Variants in CNTRL observed in about 807,000 individuals in gnomAD.
The protein encoded by CNTRL is centriolin.
In CNTRL, 233 loss-of-function variants were observed where a neutral mutation model predicts 303.7. The observed-to-expected ratio is 0.77, with a 90% CI of 0.69 to 0.86. The LOEUF (loss-of-function observed/expected upper bound fraction) is 0.86, where lower values mean the gene tolerates loss of function less well. Ranked by LOEUF, CNTRL falls within the 40% of genes least tolerant of loss-of-function variation. The pLI is 0.00. For synonymous variants in CNTRL, 900 were observed against 922.2 expected (o/e 0.98, Z 0.44); for missense variants, 2,524 against 2,650.6 (o/e 0.95, Z 1.05).
At chr9:121,134,322 G>A (rs1224382471) in intron 14 of CNTRL, among the ~76,000 whole-genome samples, 1 of 140,894 alleles carries the variant, frequency 7.1e-6, no homozygotes, top group Non-Finnish European at 1.5e-5. Context: ...ATGGAGTCTT[G>A]CTCTGTCACC....
chr9:121,123,998 A>G lies in CNTRL; in HGVS notation c.1718A>G (p.Gln573Arg). The change falls in exon 13 of 44, where the codon CAA (glutamine) becomes CGA (arginine). Residue 573 changes from glutamine to arginine, a missense_variant. Physicochemically the swap from Gln to Arg is conservative, Grantham distance 43 (BLOSUM62 1). Coordinates refer to ENST00000373855, the MANE Select transcript of CNTRL (RefSeq NM_007018.6). ...GACATTATGAACAAGCAGTACCAAC[A>G]ACTTGAAAGTCGTTTGGATGAGATA... Reference protein sequence around the residue: ...QLDIMNKQYQQLESRLDEILS... With the variant: ...QLDIMNKQYQRLESRLDEILS... 2 of 1,613,316 alleles carry G rather than the reference A, an allele frequency of 1.2e-6. No homozygotes were observed. Among genetic ancestry groups the G allele is most frequent in the Non-Finnish European group, 1.7e-6 (2 of 1,179,542 alleles).
Position 121,150,290 on chromosome 9 carries a change from C to CA in CNTRL, c.3770_3771insA (p.Gln1258ProfsTer16). 1 of 1,614,138 alleles carries CA rather than the reference C, an allele frequency of 6.2e-7. No individual in the cohort carries two copies. Among genetic ancestry groups the CA allele is most frequent in the Non-Finnish European group, 8.5e-7 (1 of 1,180,010 alleles). On this transcript the variant is annotated frameshift_variant, in exon 25 of 44. Transcript: ENST00000373855. LOFTEE classifies it high-confidence loss of function. ...GTGCTTCCTGATGGTTCTCCTGTAC[C>CA]CCAGGGCATGGCCCTGTATGCACCA...
At chr9:121,130,311 T>G in intron 14 of CNTRL, among the ~76,000 whole-genome samples, 1 of 152,212 alleles carries the variant, frequency 6.6e-6, no homozygotes, top group Middle Eastern at 3.2e-3. Context: ...TTTCAGATCC[T>G]GTTATTGGTC....
intron 2 of CNTRL, among the ~76,000 whole-genome samples, chr9:121,086,572 C>A (rs2048349485): frequency 6.6e-6 from 1 of 151,226 alleles, no homozygotes; most frequent in African/African-American, 2.4e-5. Flanking sequence ...AGGGACAGAT[C>A]ATGGGGGACC....
chr9:121,168,990 C>T (rs1375218328), intron 38 of CNTRL, among the ~76,000 whole-genome samples: 1 of 152,176 alleles, frequency 6.6e-6, no homozygotes, highest in Admixed American at 6.5e-5. Flanking sequence ...GAGTTCTGAT[C>T]ATGCCAGAGT....
At chr9:121,138,898 G>A (rs2051347364) in intron 16 of CNTRL, among the ~76,000 whole-genome samples, 1 of 152,132 alleles carries the variant, frequency 6.6e-6, no homozygotes, top group Non-Finnish European at 1.5e-5. Context: ...TTATGATGGT[G>A]CAAAGAGATA....
intron 7 of CNTRL, among the ~76,000 whole-genome samples, chr9:121,105,847 G>A (rs1368742441): frequency 6.6e-6 from 1 of 152,152 alleles, no homozygotes; most frequent in Non-Finnish European, 1.5e-5. Context: ...GTGAATAGGA[G>A]AGAGACATTT....
chr9:121,144,044 C>G lies in CNTRL; in HGVS notation c.3013C>G (p.His1005Asp). 1.2e-6 allele frequency: 2 copies of G among 1,613,514 alleles called. No individual in the cohort carries two copies. Among genetic ancestry groups the G allele is most frequent in the Non-Finnish European group, 1.7e-6 (2 of 1,179,800 alleles). Residue 1005 changes from histidine to aspartate, a missense_variant, in exon 20 of 44, where the codon CAT (histidine) becomes GAT (aspartate). His to Asp is a moderately conservative substitution (Grantham distance 81). Coordinates refer to ENST00000373855, the MANE Select transcript of CNTRL (RefSeq NM_007018.6). ...TGCCAAAGACCAGCTGAAGTCCCTT[C>G]ATGGAACTGTTATGAAAATTAACCA... ...TIAKDQLKSL[H>D]GTVMKINQER... is the part of the protein sequence containing the mutation.
In CNTRL at chr9:121,135,980, C is replaced by T; in HGVS notation, c.2200C>T (p.Gln734Ter). The change falls in exon 15 of 44, where the codon CAG becomes TAG. Residue 734 changes from glutamine to a stop codon, truncating the protein, a stop_gained and splice_region_variant. Transcript: ENST00000373855. LOFTEE classifies it high-confidence loss of function. ...EELEKVTRLT[Q>*]LEQSALQAEL... ...GTTGGAAAAAGTAACAAGACTTACCCAGGTAAGTAGGAGCATGAAGCCAAC... is the reference window on the plus strand; with the variant it reads ...GTTGGAAAAAGTAACAAGACTTACCTAGGTAAGTAGGAGCATGAAGCCAAC... 1 of 1,599,252 alleles carries T rather than the reference C, an allele frequency of 6.3e-7. No individual in the cohort carries two copies. The highest frequency in any genetic ancestry group is 1.1e-5 in the South Asian group (1 of 90,082).
At chr9:121,143,787 G>C (rs1285679117) in intron 19 of CNTRL, 116 bp from the exon 20 acceptor site, 3 of 675,840 alleles carry the variant, frequency 4.4e-6, no homozygotes, top group Non-Finnish European at 7.5e-6. Context: ...TACCTCCTGT[G>C]TATCAAGTAT....
At position 121,157,510 on chromosome 9, in the gene CNTRL, G is replaced by T. The variant is rs1362600114; in HGVS notation, c.4406G>T (p.Ser1469Ile). ...GAAAAGTTCACTGATGCCAAGAGAA[G>T]TTTATTGCAAACTGAGTCAGATGCT... ...AVEKFTDAKR[S>I]LLQTESDAEE... is the part of the protein sequence containing the mutation. The change falls in exon 28 of 44, where the codon AGT (serine) becomes ATT (isoleucine). Residue 1469 changes from serine (S) to isoleucine (I), a missense_variant. Physicochemically the swap from Ser to Ile is moderately radical, Grantham distance 142. Transcript: ENST00000373855. The T allele has an allele frequency of 6.2e-7, 1 of 1,613,974 alleles. No individual in the cohort carries two copies. The highest frequency in any genetic ancestry group is 8.5e-7 in the Non-Finnish European group (1 of 1,180,010).
At chr9:121,125,996 G>A (rs915535261) in intron 14 of CNTRL, 60 bp downstream of exon 14, 1 of 1,361,810 alleles carries the variant, frequency 7.3e-7, no homozygotes. Flanking sequence ...TCCAAATTAA[G>A]TTAGTTGGAG....
intron 13 of CNTRL, 72 bp from the exon 14 acceptor site, chr9:121,125,644 A>G: frequency 7.6e-6 from 10 of 1,318,196 alleles, no homozygotes; most frequent in Non-Finnish European, 1.1e-5. Context: ...CTCTTGGCTT[A>G]TAACAAAATG....
chr9:121,162,937 A>T (rs1339044385), intron 34 of CNTRL, among the ~76,000 whole-genome samples: 1 of 152,224 alleles, frequency 6.6e-6, no homozygotes, highest in African/African-American at 2.4e-5. Flanking sequence ...CATCTTTTTC[A>T]GTAGAGAAAA....
Position 121,144,059 on chromosome 9 carries a change from A to G in CNTRL, c.3028A>G (p.Lys1010Glu). ...QLKSLHGTVM[K>E]INQERAEELQ... ...GAAGTCCCTTCATGGAACTGTTATG[A>G]AAATTAACCAGGAGCGAGCAGAGGT... Residue 1010 changes from lysine to glutamate, a missense_variant, in exon 20 of 44, where the codon AAA becomes GAA. Transcript: ENST00000373855. 6.2e-7 allele frequency: 1 copy of G among 1,611,748 alleles called. No individual in the cohort carries two copies. Among genetic ancestry groups the G allele is most frequent in the Non-Finnish European group, 8.5e-7 (1 of 1,179,344 alleles).
At position 121,154,815 on chromosome 9, in the gene CNTRL, T is replaced by G. The variant is rs757526909; in HGVS notation, c.4267T>G (p.Cys1423Gly). 4.3e-6 allele frequency: 7 copies of G among 1,613,546 alleles called. No homozygotes were observed. The highest frequency in any genetic ancestry group is 5.1e-6 in the Non-Finnish European group (6 of 1,179,486). Residue 1423 changes from cysteine to glycine, a missense_variant, in exon 27 of 44, where the codon TGC becomes GGC. Cys to Gly is a radical substitution (Grantham distance 159, BLOSUM62 -3). Coordinates refer to ENST00000373855, the MANE Select transcript of CNTRL (RefSeq NM_007018.6). Reference sequence around the variant, plus strand: ...TGAAGATATTGTAGATGAAATTGAGTGCATTGAGAAGACTCTTCTGAAACG... The same window carrying G: ...TGAAGATATTGTAGATGAAATTGAGGGCATTGAGAAGACTCTTCTGAAACG... ...HHEDIVDEIECIEKTLLKRRS... is the reference protein window; with the variant it reads ...HHEDIVDEIEGIEKTLLKRRS...
rs766592749 is a variant in CNTRL, at chr9:121,124,079, C to T, written c.1799C>T (p.Thr600Ile). The part of the protein sequence containing the change: ...EEIKDLEEQL[T>I]EGQIAANEAL... The stretch of plus-strand genomic sequence containing the variant: ...ATTAAGGACCTTGAAGAACAGCTTA[C>T]TGAAGGTAAGACTTTCAGTATGATT... The change falls in exon 13 of 44, where the codon ACT becomes ATT. Residue 600 changes from threonine (T) to isoleucine (I), a missense_variant. Transcript: ENST00000373855. 2 of 1,602,080 alleles carry T rather than the reference C, an allele frequency of 1.2e-6. No homozygotes were observed.
intron 27 of CNTRL, 39 bp from the exon 28 acceptor site, chr9:121,157,431 T>C (rs754896940): frequency 6.2e-7 from 1 of 1,602,026 alleles, no homozygotes; most frequent in Non-Finnish European, 8.5e-7. Flanking sequence ...TGAGTGAGTA[T>C]TGTAACTGAA....
chr9:121,112,495 C>A lies in CNTRL; in HGVS notation c.1039C>A (p.Gln347Lys). Residue 347 changes from glutamine (Q) to lysine (K), a missense_variant, in exon 9 of 44, where the codon CAG (glutamine) becomes AAG (lysine). Physicochemically the swap from Gln to Lys is moderately conservative, Grantham distance 53. Coordinates refer to ENST00000373855, the MANE Select transcript of CNTRL (RefSeq NM_007018.6). ...GACCATAGAATTAACACGAGCATGT[C>A]AGAAGCAATATGAGCTGGAACAGGA... is the stretch of plus-strand genomic sequence containing the variant. ...QKTIELTRAC[Q>K]KQYELEQELA... The A allele has an allele frequency of 6.2e-7, 1 of 1,612,914 alleles. No homozygotes were observed. Among genetic ancestry groups the A allele is most frequent in the South Asian group, 1.1e-5 (1 of 91,034 alleles).
Sources: allele counts gnomAD v4.1 joint callset (sites outside exome capture counted in the v4.1 genomes callset), GRCh38; gene constraint gnomAD v4.1.1; transcripts MANE v1.5; gene names NCBI Gene and HGNC (gene_info 2026-07-23, HGNC 2026-07-21).